CSMD2: variants seen among roughly 807,000 people sequenced by gnomAD.
CSMD2 encodes the protein CUB and sushi domain-containing protein 2.
In CSMD2, 130 loss-of-function variants were observed where a neutral mutation model predicts 398.5. That is an observed-to-expected ratio of 0.33 (90% CI 0.28 to 0.38). The LOEUF is 0.38. Ranked by LOEUF, CSMD2 falls within the 10% of genes least tolerant of loss-of-function variation. CSMD2 has a pLI of 1.00. For synonymous variants in CSMD2, 1,828 were observed against 1,908.5 expected (o/e 0.96, Z 1.10); for missense variants, 3,829 against 4,764.9 (o/e 0.80, Z 5.78).
chr1:33,656,699 G>C (rs983206684), intron 27 of CSMD2, among the ~76,000 whole-genome samples: 2 of 152,262 alleles, frequency 1.3e-5, no homozygotes, highest in African/African-American at 4.8e-5. Flanking sequence ...TTTGCATTCA[G>C]ACTGGCGTGG....
intron 21 of CSMD2, 38 bp downstream of exon 21, chr1:33,714,549 C>G: frequency 1.2e-6 from 2 of 1,604,372 alleles, no homozygotes; most frequent in Non-Finnish European, 1.7e-6. Context: ...CTGTCCCACC[C>G]CATTAGTGAA....
chr1:33,537,423 G>A lies in CSMD2; in HGVS notation c.9805+13C>T. ...CCCAGCCAAGACGCTCCCTGCTCCA[G>A]ATGACCTCTCACCTATGCAGCTGGG... On this transcript the variant is annotated intron_variant, in intron 61 of 70. Transcript: ENST00000373381. The surrounding 1 kb of genome is among the most constrained non-coding windows in gnomAD (Gnocchi z 4.6). 6.2e-7 allele frequency: 1 copy of A among 1,601,064 alleles called. No homozygotes were observed. The highest frequency in any genetic ancestry group is 8.5e-7 in the Non-Finnish European group (1 of 1,172,488).
intron 13 of CSMD2, among the ~76,000 whole-genome samples, chr1:33,752,904 T>A (rs1261093428): frequency 1.3e-5 from 2 of 152,206 alleles, no homozygotes; most frequent in African/African-American, 4.8e-5. Flanking sequence ...CTAGGGCTTT[T>A]TGCAAGTTTG....
Position 33,541,225 on chromosome 1 carries a change from T to C in CSMD2, c.9362A>G (p.Gln3121Arg), listed in dbSNP as rs757202600. Residue 3121 changes from glutamine to arginine, a missense_variant, in exon 59 of 71, where the codon CAG (glutamine) becomes CGG (arginine). This residue lies in a region of CSMD2 where 917 missense variants were observed against 1,199.5 expected (regional missense o/e 0.76). Coordinates refer to ENST00000373381, the MANE Select transcript of CSMD2 (RefSeq NM_001281956.2). ...CTCCATCATATAGCCAGGGACACAC[T>C]GATATGTCACAGTTTTGTTGTACCT... Reference protein sequence around the residue: ...DFRYNKTVTYQCVPGYMMESH... With the variant: ...DFRYNKTVTYRCVPGYMMESH... 1 of 1,614,012 alleles carries C rather than the reference T, an allele frequency of 6.2e-7. No individual in the cohort carries two copies. The highest frequency in any genetic ancestry group is 1.7e-5 in the Admixed American group (1 of 60,024).
rs1252581723 is a variant in CSMD2, at chr1:33,635,359, G to C, written c.4970-29C>G. The C allele has an allele frequency of 7.2e-7, 1 of 1,396,622 alleles. No homozygotes were observed. 86.5% of individuals were successfully genotyped at this position (1,396,622 alleles called of 1,614,324 possible). A position where few individuals can be genotyped will look rare whatever the true frequency, so the allele number is the denominator to read the frequency against. ...AAAGAGAAACCAGATAGAGAGTCAG[G>C]TGACCTTGTGGGCCTCTTACCAGTG... On this transcript the variant is annotated intron_variant, in intron 30 of 70. Transcript: ENST00000373381. This position sits in a 1 kb window ranked among gnomAD's most constrained non-coding sequence, Gnocchi z 5.0.
intron 2 of CSMD2, among the ~76,000 whole-genome samples, chr1:34,062,515 G>A (rs1342866147): frequency 6.6e-6 from 1 of 152,212 alleles, no homozygotes; most frequent in Non-Finnish European, 1.5e-5. Flanking sequence ...GGGGGTACAG[G>A]AAGGACATGG....
chr1:34,003,954 A>C (rs1381867882), intron 3 of CSMD2, among the ~76,000 whole-genome samples: 1 of 152,070 alleles, frequency 6.6e-6, no homozygotes, highest in Non-Finnish European at 1.5e-5. Flanking sequence ...CCCCCATCCC[A>C]TGTGGCTCTG....
chr1:33,956,928 T>C (rs1437274308), intron 3 of CSMD2, among the ~76,000 whole-genome samples: 1 of 152,070 alleles, frequency 6.6e-6, no homozygotes, highest in Non-Finnish European at 1.5e-5. Flanking sequence ...CTGCAGAGTC[T>C]CCGTGGCCAG....
chr1:33,520,875 C>G (rs542177070), intron 68 of CSMD2, among the ~76,000 whole-genome samples: 4 of 152,206 alleles, frequency 2.6e-5, no homozygotes, highest in African/African-American at 7.2e-5. Context: ...CCCCTCCCCC[C>G]ACCAGAGTCT....
intron 3 of CSMD2, among the ~76,000 whole-genome samples, chr1:33,982,587 T>C (rs1646209144): frequency 1.3e-5 from 2 of 152,306 alleles, no homozygotes; most frequent in South Asian, 4.1e-4. Flanking sequence ...ATGTGGCACA[T>C]GGTAGGAACT....
chr1:33,680,195 C>T (rs1165312997), intron 25 of CSMD2, among the ~76,000 whole-genome samples: 2 of 138,450 alleles, frequency 1.4e-5, no homozygotes, highest in Non-Finnish European at 3.1e-5. Context: ...ATATTGTGAT[C>T]CCTGCTTTTT....
intron 1 of CSMD2, among the ~76,000 whole-genome samples, chr1:34,110,315 A>G (rs1450586357): frequency 1.3e-5 from 2 of 152,180 alleles, no homozygotes; most frequent in Non-Finnish European, 2.9e-5. Flanking sequence ...AAACAGAACT[A>G]TCATTCAACC....
intron 25 of CSMD2, among the ~76,000 whole-genome samples, chr1:33,689,616 C>T (rs1258440736): frequency 1.3e-5 from 2 of 152,134 alleles, no homozygotes; most frequent in African/African-American, 2.4e-5. Flanking sequence ...TTGTAATTTC[C>T]TTGTGCCAGC....
chr1:34,130,984 T>C (rs1216570467), intron 1 of CSMD2, among the ~76,000 whole-genome samples: 1 of 152,182 alleles, frequency 6.6e-6, no homozygotes, highest in Non-Finnish European at 1.5e-5. Context: ...CCCCACCAGA[T>C]AGAGCATATA....
intron 1 of CSMD2, among the ~76,000 whole-genome samples, chr1:34,090,691 C>T (rs1017816011): frequency 1.3e-5 from 2 of 152,190 alleles, no homozygotes; most frequent in Non-Finnish European, 2.9e-5. Flanking sequence ...CAAGCTCATT[C>T]CTAAACTGCC....
Position 34,164,929 on chromosome 1 carries a change from T to A in CSMD2, c.169A>T (p.Ser57Cys), listed in dbSNP as rs1397054412. 36 of 1,219,434 alleles carry A rather than the reference T, an allele frequency of 3.0e-5. No individual in the cohort carries two copies. The highest frequency in any genetic ancestry group is 6.1e-6 in the Non-Finnish European group (6 of 980,268). 75.5% of individuals were successfully genotyped at this position (1,219,434 alleles called of 1,614,324 possible). A position where few individuals can be genotyped will look rare whatever the true frequency, so the allele number is the denominator to read the frequency against. Reference sequence around the variant, plus strand: ...GACTCACCCGCGGCGGCCGAGACGCTGAGCAACCCACAGCCCAGCAACAGC... The same window carrying A: ...GACTCACCCGCGGCGGCCGAGACGCAGAGCAACCCACAGCCCAGCAACAGC... ...LLLLLGCGLL[S>C]VSAAAGQNCT... The change falls in exon 1 of 71, where the codon AGC becomes TGC. Residue 57 changes from serine (S) to cysteine (C), a missense_variant. Physicochemically the swap from Ser to Cys is moderately radical, Grantham distance 112 (BLOSUM62 -1). Transcript: ENST00000373381. This position sits in a 1 kb window ranked among gnomAD's most constrained non-coding sequence, Gnocchi z 6.2.
In CSMD2 at chr1:33,622,278, CA is replaced by C. The variant is rs762776295; in HGVS notation, c.5723-8del. On this transcript the variant is annotated splice_polypyrimidine_tract_variant and splice_region_variant and intron_variant, in intron 36 of 70. Transcript: ENST00000373381. ...AGGGCAGGCACGGTTGTTCCTAGGG[CA>C]AGGACACCAGGGAAAACCATTTAAG... is the stretch of plus-strand genomic sequence containing the variant. 5.0e-6 allele frequency: 8 copies of C among 1,607,794 alleles called. No individual in the cohort carries two copies. The highest frequency in any genetic ancestry group is 6.8e-6 in the Non-Finnish European group (8 of 1,174,318).
chr1:34,142,560 GGGT>G (rs1639400590), intron 1 of CSMD2, among the ~76,000 whole-genome samples: 1 of 152,172 alleles, frequency 6.6e-6, no homozygotes. Context: ...AAGTGGCAGG[GGGT>G]GATGGAAGAA....
At chr1:33,814,141 A>C (rs3856129) in intron 9 of CSMD2, 7 of 152,102 alleles carry the variant, frequency 4.6e-5, no homozygotes, top group Non-Finnish European at 8.8e-5. Flanking sequence ...CCTTATGCAA[A>C]TTTGATCACA....
Sources: gnomAD v4.1 joint callset for allele counts (sites outside exome capture counted in the v4.1 genomes callset) on GRCh38, gnomAD v4.1.1 for gene constraint, gnomAD v4.1.1 regional missense constraint, Gnocchi (gnomAD v3.1) non-coding constraint, MANE v1.5 for transcripts, NCBI Gene and HGNC (gene_info 2026-07-23, HGNC 2026-07-21) for gene names.